KCNQ1: variants seen among roughly 807,000 people sequenced by gnomAD.
The protein encoded by KCNQ1 is potassium voltage-gated channel subfamily Q member 1, also known as potassium voltage-gated channel subfamily KQT member 1.
In KCNQ1, 49 loss-of-function variants were observed where a neutral mutation model predicts 72.4. The ratio of observed to expected loss-of-function variants is 0.68; its 90% confidence interval spans 0.54 to 0.86. The LOEUF (loss-of-function observed/expected upper bound fraction) is 0.86, where lower values mean the gene tolerates loss of function less well. Among genes scored for constraint, KCNQ1 ranks in the 40% least tolerant of loss-of-function variants. The pLI, the probability that KCNQ1 is intolerant of heterozygous loss-of-function variation, is 0.00. For synonymous variants in KCNQ1, 450 were observed against 412.6 expected (o/e 1.09, Z -1.10); for missense variants, 790 against 945.1 (o/e 0.84, Z 2.15).
chr11:2,798,501 G>A (rs925779894), intron 15 of KCNQ1, among the ~76,000 whole-genome samples: 12 of 150,834 alleles, frequency 8.0e-5, no homozygotes, highest in African/African-American at 1.2e-4. Flanking sequence ...AGCAGCAGAC[G>A]TTTTTAAACT....
chr11:2,585,938 G>A (rs1160624220), intron 8 of KCNQ1, among the ~76,000 whole-genome samples: 1 of 152,178 alleles, frequency 6.6e-6, no homozygotes, highest in East Asian at 1.9e-4. Context: ...GGCTCTCCAG[G>A]ACCCACCAGA....
At chr11:2,584,536 A>G (rs201207033) in intron 7 of KCNQ1, among the ~76,000 whole-genome samples, 2 of 106,822 alleles carry the variant, frequency 1.9e-5, no homozygotes, top group South Asian at 3.1e-4. Context: ...TGTGTGTGTT[A>G]GTATGTGTTT....
chr11:2,544,091 T>C lies in KCNQ1; in HGVS notation c.477+16073T>C, dbSNP rs879649765. 1.6e-4 allele frequency among the ~76,000 whole-genome samples: 25 copies of C among 152,098 alleles called. No individual in the cohort carries two copies. The highest frequency in any genetic ancestry group is 2.9e-4 in the Non-Finnish European group (20 of 68,016). ...GGTCCTTTGCATTTACATATAAATTTTGGAAGCTGCTTACCAATTTTTGCA... is the reference window on the plus strand; with the variant it reads ...GGTCCTTTGCATTTACATATAAATTCTGGAAGCTGCTTACCAATTTTTGCA... On this transcript the variant is annotated intron_variant, in intron 2 of 15. Transcript: ENST00000155840. The surrounding 1 kb of genome is among the most constrained non-coding windows in gnomAD (Gnocchi z 4.4).
chr11:2,582,983 G>C (rs186651302), intron 6 of KCNQ1, among the ~76,000 whole-genome samples: 206 of 152,270 alleles, frequency 1.4e-3, no homozygotes, highest in African/African-American at 4.9e-3. Context: ...GTGCCCTGGA[G>C]TGGCGTCAGG....
intron 15 of KCNQ1, among the ~76,000 whole-genome samples, chr11:2,835,273 C>T (rs1335881994): frequency 6.6e-6 from 1 of 151,908 alleles, no homozygotes; most frequent in Admixed American, 6.5e-5. Context: ...GCTGTTGCCC[C>T]CCTGCACCCC....
At chr11:2,729,582 G>T (rs567599891) in intron 11 of KCNQ1, among the ~76,000 whole-genome samples, 1 of 152,374 alleles carries the variant, frequency 6.6e-6, no homozygotes, top group Admixed American at 6.5e-5. Flanking sequence ...CATCTGTGCT[G>T]AACATCTGAA....
At position 2,668,472 on chromosome 11, in the gene KCNQ1, T is replaced by A; in HGVS notation, c.1514+6391T>A. ...CTAACACTTGGCATTTTCCGTCGTT[T>A]CCTTTTCAGCCATGATGGTGAATGT... is the stretch of plus-strand genomic sequence containing the variant. On this transcript the variant is annotated intron_variant, in intron 11 of 15. Coordinates refer to ENST00000155840, the MANE Select transcript of KCNQ1 (RefSeq NM_000218.3). The surrounding 1 kb of genome is among the most constrained non-coding windows in gnomAD (Gnocchi z 4.3). 1 of 398,654 alleles carries A rather than the reference T, an allele frequency of 2.5e-6. No individual in the cohort carries two copies. Among genetic ancestry groups the A allele is most frequent in the Non-Finnish European group, 4.4e-6 (1 of 226,068 alleles). 24.7% of individuals were successfully genotyped at this position (398,654 alleles called of 1,614,324 possible).
At position 2,668,832 on chromosome 11, in the gene KCNQ1, C is replaced by T. The variant is rs139908349; in HGVS notation, c.1514+6751C>T. ...TGGTCCAGTTAATCAAACATTTCCT[C>T]TCTGGATAGGGCTGTTTGTGTCCTA... On this transcript the variant is annotated intron_variant, in intron 11 of 15. Transcript: ENST00000155840. This position sits in a 1 kb window ranked among gnomAD's most constrained non-coding sequence, Gnocchi z 4.3. The T allele has an allele frequency of 2.3e-3, 904 of 398,616 alleles. 9 individuals are homozygous for T. In the East Asian group the frequency reaches 0.024, roughly 11 times the overall value. 24.7% of individuals were successfully genotyped at this position (398,616 alleles called of 1,614,324 possible). A position where few individuals can be genotyped will look rare whatever the true frequency, so the allele number is the denominator to read the frequency against.
At position 2,816,931 on chromosome 11, in the gene KCNQ1, G is replaced by A. The variant is rs1847625113; in HGVS notation, c.1795-30836G>A. Among the ~76,000 whole-genome samples the A allele has an allele frequency of 6.6e-6, 1 of 152,054 alleles. No homozygotes were observed. Among genetic ancestry groups the A allele is most frequent in the Non-Finnish European group, 1.5e-5 (1 of 67,982 alleles). ...GACCACAGCCCAACCCCTGGGCAGT[G>A]GCTGCCCCTCTGCCTCTGGAGGTCC... On this transcript the variant is annotated intron_variant, in intron 15 of 15. Coordinates refer to ENST00000155840, the MANE Select transcript of KCNQ1 (RefSeq NM_000218.3). This position sits in a 1 kb window ranked among gnomAD's most constrained non-coding sequence, Gnocchi z 6.8.
rs1297838074 is a variant in KCNQ1, at chr11:2,571,800, G to T, written c.684-213G>T. 3.9e-5 allele frequency among the ~76,000 whole-genome samples: 6 copies of T among 152,184 alleles called. No homozygotes were observed. In the East Asian group the frequency reaches 9.7e-4, roughly 25 times the overall value. On this transcript the variant is annotated intron_variant, in intron 4 of 15. Transcript: ENST00000155840. ...TGGCCGACCCCCAGCTCAGCCCTGT[G>T]TGGGCAGATTCAGAGCAGGCTCTGG...
At position 2,723,137 on chromosome 11, in the gene KCNQ1, C is replaced by G. The variant is rs945086439; in HGVS notation, c.1515-45707C>G. Among the ~76,000 whole-genome samples, 1 of 152,222 alleles carries G rather than the reference C, an allele frequency of 6.6e-6. No individual in the cohort carries two copies. The highest frequency in any genetic ancestry group is 2.4e-5 in the African/African-American group (1 of 41,458). On this transcript the variant is annotated intron_variant, in intron 11 of 15. Coordinates refer to ENST00000155840, the MANE Select transcript of KCNQ1 (RefSeq NM_000218.3). The surrounding 1 kb of genome is among the most constrained non-coding windows in gnomAD (Gnocchi z 4.2). ...GGCTCCGCCTTCCTCTGTGGCTCTG[C>G]CTTCCTCTTGGCTCCGCCTTCCTCC...
chr11:2,571,441 C>G (rs1564820488), intron 4 of KCNQ1, 38 bp downstream of exon 4: 2 of 1,565,668 alleles, frequency 1.3e-6, no homozygotes, highest in Admixed American at 1.7e-5. Flanking sequence ...CCATGCCGCC[C>G]CACCCCGAGC....
At chr11:2,805,903 A>G (rs1847362143) in intron 15 of KCNQ1, among the ~76,000 whole-genome samples, 1 of 152,238 alleles carries the variant, frequency 6.6e-6, no homozygotes, top group Non-Finnish European at 1.5e-5. Context: ...TCCCTAAAGA[A>G]CAAATCAGAG....
intron 1 of KCNQ1, among the ~76,000 whole-genome samples, chr11:2,449,068 A>C (rs952813678): frequency 2.0e-5 from 3 of 152,194 alleles, no homozygotes; most frequent in African/African-American, 7.2e-5. Context: ...CCTGGTGGGC[A>C]TGGATCAGGT....
Position 2,593,529 on chromosome 11 carries a change from C to A in KCNQ1, c.1393+4675C>A, listed in dbSNP as rs912221470. Among the ~76,000 whole-genome samples, 1 of 152,194 alleles carries A rather than the reference C, an allele frequency of 6.6e-6. No homozygotes were observed. Among genetic ancestry groups the A allele is most frequent in the African/African-American group, 2.4e-5 (1 of 41,440 alleles). On this transcript the variant is annotated intron_variant, in intron 10 of 15. Transcript: ENST00000155840. The surrounding 1 kb of genome is among the most constrained non-coding windows in gnomAD (Gnocchi z 6.9). ...AAAGCTGTGCCTGTGTGTGTCACCA[C>A]GTGTTTGCCAGGTGACCTGGGACTA...
chr11:2,622,001 C>A (rs1033434392), intron 10 of KCNQ1: 8 of 398,126 alleles, frequency 2.0e-5, no homozygotes, highest in African/African-American at 1.6e-4. Flanking sequence ...GTAGGCAAGG[C>A]ATTTATTGCT....
Position 2,462,773 on chromosome 11 carries a change from G to C in KCNQ1, c.386+17289G>C, listed in dbSNP as rs1345615946. On this transcript the variant is annotated intron_variant, in intron 1 of 15. Transcript: ENST00000155840. The surrounding 1 kb of genome is among the most constrained non-coding windows in gnomAD (Gnocchi z 8.2). Reference sequence around the variant, plus strand: ...AACCACAGGCAAAGAGGGTGCCGGGGGCAGGGAAGGCCTGGAGGTTTGAGG... The same window carrying C: ...AACCACAGGCAAAGAGGGTGCCGGGCGCAGGGAAGGCCTGGAGGTTTGAGG... Among the ~76,000 whole-genome samples, 7 of 152,198 alleles carry C rather than the reference G, an allele frequency of 4.6e-5. No individual in the cohort carries two copies. The highest frequency in any genetic ancestry group is 8.8e-5 in the Non-Finnish European group (6 of 68,028).
chr11:2,514,838 G>C (rs1847263425), intron 1 of KCNQ1, among the ~76,000 whole-genome samples: 2 of 152,098 alleles, frequency 1.3e-5, no homozygotes, highest in African/African-American at 4.8e-5. Flanking sequence ...AAAGAGACTT[G>C]GGCTAGATGT....
rs919792946 is a variant in KCNQ1 at position 2,620,973 on chromosome 11, TTTTG to T, written c.1393+32135_1393+32138del. 6.6e-5 allele frequency: 26 copies of T among 394,770 alleles called. No homozygotes were observed. The highest frequency in any genetic ancestry group is 6.2e-4 in the Middle Eastern group (1 of 1,606). The allele number at this position is 394,770 out of a possible 1,614,324, so 24.5% of individuals were successfully genotyped here. On this transcript the variant is annotated intron_variant, in intron 10 of 15. Coordinates refer to ENST00000155840, the MANE Select transcript of KCNQ1 (RefSeq NM_000218.3). This position sits in a 1 kb window ranked among gnomAD's most constrained non-coding sequence, Gnocchi z 4.5. ...GTTTTTTTTTGTCTGTTTTTTGCTT[TTTTG>T]TTTGTTTGTTTGTTTTTTGAGAAAG...
Sources: allele counts gnomAD v4.1 joint callset (sites outside exome capture counted in the v4.1 genomes callset), GRCh38; gene constraint gnomAD v4.1.1; non-coding constraint Gnocchi (gnomAD v3.1); transcripts MANE v1.5; gene names NCBI Gene and HGNC (gene_info 2026-07-23, HGNC 2026-07-21).